The following STK39 variants were observed in gnomAD, a reference collection of about 807,000 sequenced individuals.
The protein encoded by STK39 is serine/threonine kinase 39, also known as STE20/SPS1-related proline-alanine-rich protein kinase.
In STK39, 20 loss-of-function variants were observed where a neutral mutation model predicts 77.8. The observed-to-expected ratio is 0.26, with a 90% CI of 0.18 to 0.37. STK39 has a LOEUF of 0.37. STK39 is among the 10% of genes least tolerant of loss of function. The probability of loss-of-function intolerance (pLI) is 1.00; values close to 1 mark genes in which losing one functional copy is unlikely to be tolerated. For synonymous variants in STK39, 246 were observed against 234.1 expected, an observed-to-expected ratio of 1.05 and a Z score of -0.47; for missense variants, 479 against 656.5, an observed-to-expected ratio of 0.73 and a Z score of 2.95.
chr2:168,234,908 C>A (rs1216626914), intron 1 of STK39, among the ~76,000 whole-genome samples: 1 of 151,728 alleles, frequency 6.6e-6, no homozygotes, highest in Non-Finnish European at 1.5e-5. Context: ...GTCCCAGTAC[C>A]TTGGGAGGCC....
At chr2:167,959,906 CAA>C (rs1559033875) in intron 17 of STK39, among the ~76,000 whole-genome samples, 1 of 152,160 alleles carries the variant, frequency 6.6e-6, no homozygotes, top group Non-Finnish European at 1.5e-5. Flanking sequence ...AGGCAAGTCA[CAA>C]AGAGTTTTGA....
chr2:168,203,059 T>C (rs1271788177), intron 1 of STK39, among the ~76,000 whole-genome samples: 2 of 152,166 alleles, frequency 1.3e-5, no homozygotes, highest in Admixed American at 6.5e-5. Flanking sequence ...TTCTTCGTTG[T>C]GAGGTACTGT....
chr2:168,000,298 ATT>A (rs1473243532), intron 16 of STK39, among the ~76,000 whole-genome samples: 1 of 152,196 alleles, frequency 6.6e-6, no homozygotes, highest in Non-Finnish European at 1.5e-5. Flanking sequence ...TCAAAAATTA[ATT>A]TCTCATACTC....
intron 16 of STK39, among the ~76,000 whole-genome samples, chr2:168,000,397 A>G (rs548119990): frequency 6.6e-6 from 1 of 152,366 alleles, no homozygotes; most frequent in Non-Finnish European, 1.5e-5. Flanking sequence ...TGAGAGCTCC[A>G]GCAAGCCTAC....
At chr2:168,105,006 G>A (rs763569021) in intron 10 of STK39, among the ~76,000 whole-genome samples, 2 of 152,100 alleles carry the variant, frequency 1.3e-5, no homozygotes, top group Non-Finnish European at 1.5e-5. Flanking sequence ...AATATAATCA[G>A]TGGAAAAAAA....
chr2:168,116,352 A>T (rs1360256437), intron 10 of STK39, among the ~76,000 whole-genome samples: 2 of 152,218 alleles, frequency 1.3e-5, no homozygotes, highest in Non-Finnish European at 2.9e-5. Flanking sequence ...ATTAAAAGTC[A>T]TTAGACACTC....
chr2:168,240,771 T>A lies in STK39; in HGVS notation c.208+6457A>T, dbSNP rs186639764. Among the ~76,000 whole-genome samples, 105 of 152,258 alleles carry A rather than the reference T, an allele frequency of 6.9e-4. 2 individuals carry two copies. The East Asian group carries it at 0.012, about 18-fold the overall frequency. Reference sequence around the variant, plus strand: ...ATACAGTCAGGAAGACCCTCAGCATTTGATGTGGTAATTGAAGCTTCAGAC... The same window carrying A: ...ATACAGTCAGGAAGACCCTCAGCATATGATGTGGTAATTGAAGCTTCAGAC... On this transcript the variant is annotated intron_variant, in intron 1 of 17. Coordinates refer to ENST00000355999, the MANE Select transcript of STK39 (RefSeq NM_013233.3).
At chr2:168,041,017 G>A (rs1163664569) in intron 14 of STK39, among the ~76,000 whole-genome samples, 2 of 152,170 alleles carry the variant, frequency 1.3e-5, no homozygotes, top group Admixed American at 1.3e-4. Context: ...AGGGCACTGT[G>A]CGAGGCATGG....
intron 1 of STK39, among the ~76,000 whole-genome samples, chr2:168,217,100 G>A (rs969429531): frequency 6.6e-6 from 1 of 152,162 alleles, no homozygotes; most frequent in Non-Finnish European, 1.5e-5. Context: ...CTCACAACAC[G>A]AAAATCAGTG....
chr2:168,184,768 A>G (rs1689167181), intron 1 of STK39, among the ~76,000 whole-genome samples: 1 of 152,196 alleles, frequency 6.6e-6, no homozygotes, highest in African/African-American at 2.4e-5. Context: ...AATAAGGGTA[A>G]AAACTGCTTT....
intron 2 of STK39, among the ~76,000 whole-genome samples, chr2:168,171,407 C>A (rs529585503): frequency 7.0e-6 from 1 of 143,852 alleles, no homozygotes; most frequent in Non-Finnish European, 1.5e-5. Context: ...TCCTACCCTA[C>A]AAATATGAGG....
chr2:168,065,171 A>G (rs2105387463), intron 13 of STK39, 148 bp downstream of exon 13: 1 of 726,762 alleles, frequency 1.4e-6, no homozygotes, highest in East Asian at 2.7e-5. Flanking sequence ...CACAAAGCAC[A>G]GTCAATAGCA....
rs563687295 is a variant in STK39 at position 168,245,669 on chromosome 2, G to C, written c.208+1559C>G. ...GTGCGGAAGACAGCGGTGTATTCAGGAAGCAATCACTGAAGAGTAGACAAT... is the reference window on the plus strand; with the variant it reads ...GTGCGGAAGACAGCGGTGTATTCAGCAAGCAATCACTGAAGAGTAGACAAT... On this transcript the variant is annotated intron_variant, in intron 1 of 17. Transcript: ENST00000355999. 5.3e-5 allele frequency among the ~76,000 whole-genome samples: 8 copies of C among 152,338 alleles called. No individual in the cohort carries two copies. The East Asian group carries it at 1.2e-3, about 22-fold the overall frequency.
intron 12 of STK39, among the ~76,000 whole-genome samples, chr2:168,068,307 G>C (rs1313951439): frequency 6.6e-6 from 1 of 152,172 alleles, no homozygotes; most frequent in Non-Finnish European, 1.5e-5. Flanking sequence ...AAAGATCTCA[G>C]AATGGAGACA....
chr2:168,063,415 C>T, intron 14 of STK39, 85 bp downstream of exon 14: 3 of 1,208,966 alleles, frequency 2.5e-6, no homozygotes, highest in Middle Eastern at 4.0e-4. Flanking sequence ...CTATTTTATG[C>T]TAATATTATG....
chr2:167,972,500 C>T lies in STK39; in HGVS notation c.1499-7774G>A, dbSNP rs80229916. ...GCTTTCTCTTTTCACAATGGCGGCC[C>T]GGGTTCAGGGTTCAATTCCTGGCTT... On this transcript the variant is annotated intron_variant, in intron 16 of 17. Coordinates refer to ENST00000355999, the MANE Select transcript of STK39 (RefSeq NM_013233.3). Among the ~76,000 whole-genome samples, 892 of 152,164 alleles carry T rather than the reference C, an allele frequency of 5.9e-3. 17 individuals are homozygous for T. The East Asian group carries it at 0.063, about 11-fold the overall frequency.
At chr2:167,965,383 T>A (rs1692127963) in intron 16 of STK39, among the ~76,000 whole-genome samples, 1 of 152,228 alleles carries the variant, frequency 6.6e-6, no homozygotes, top group South Asian at 2.1e-4. Flanking sequence ...GCTGTCAGTT[T>A]GGAGCTCAGT....
chr2:168,083,219 C>A (rs962376755), intron 10 of STK39, among the ~76,000 whole-genome samples: 1 of 151,188 alleles, frequency 6.6e-6, no homozygotes, highest in Admixed American at 6.6e-5. Flanking sequence ...TCTGCCCTTC[C>A]ACATTCTCCT....
intron 14 of STK39, among the ~76,000 whole-genome samples, chr2:168,032,642 G>T (rs1684857488): frequency 6.6e-6 from 1 of 152,208 alleles, no homozygotes; most frequent in South Asian, 2.1e-4. Flanking sequence ...TGTATATACA[G>T]TGCATCCTGC....
Sources: gnomAD v4.1 joint callset for allele counts (sites outside exome capture counted in the v4.1 genomes callset) on GRCh38, gnomAD v4.1.1 for gene constraint, MANE v1.5 for transcripts, NCBI Gene and HGNC (gene_info 2026-07-23, HGNC 2026-07-21) for gene names.